The following VPS53 variants were observed in gnomAD, a reference collection of about 807,000 sequenced individuals.
The protein encoded by VPS53 is vacuolar protein sorting-associated protein 53 homolog.
In VPS53, 70 loss-of-function variants were observed where a neutral mutation model predicts 107.0. The ratio of observed to expected loss-of-function variants is 0.65; its 90% confidence interval spans 0.54 to 0.80. The LOEUF (loss-of-function observed/expected upper bound fraction) is 0.80, where lower values mean the gene tolerates loss of function less well. Ranked by LOEUF, VPS53 falls within the 30% of genes least tolerant of loss-of-function variation. The pLI is 0.00. For synonymous variants in VPS53, 409 were observed against 393.3 expected (o/e 1.04, Z -0.47); for missense variants, 917 against 1,049.4 (o/e 0.87, Z 1.74).
intron 4 of VPS53, among the ~76,000 whole-genome samples, chr17:687,433 G>A (rs562495689): frequency 1.2e-4 from 18 of 151,762 alleles, no homozygotes; most frequent in African/African-American, 2.2e-4. Flanking sequence ...AAAATTAGCC[G>A]GGCGTGGTGG....
chr17:683,867 T>C (rs748516651), intron 4 of VPS53, among the ~76,000 whole-genome samples: 3 of 152,144 alleles, frequency 2.0e-5, no homozygotes, highest in Non-Finnish European at 4.4e-5. Context: ...ACTTGAAAAC[T>C]GACAAACAAT....
chr17:588,774 GATCTAGA>G, intron 12 of VPS53, among the ~76,000 whole-genome samples: 1 of 152,302 alleles, frequency 6.6e-6, no homozygotes, highest in African/African-American at 2.4e-5. Context: ...GAATCTGCCG[GATCTAGA>G]ATTCCACTTG....
At chr17:633,090 T>C (rs1970028652) in intron 7 of VPS53, among the ~76,000 whole-genome samples, 1 of 152,148 alleles carries the variant, frequency 6.6e-6, no homozygotes, top group East Asian at 1.9e-4. Flanking sequence ...GCTCAAGAAC[T>C]GTGCGTGTAC....
intron 13 of VPS53, among the ~76,000 whole-genome samples, chr17:574,983 G>A (rs1284408507): frequency 6.6e-6 from 1 of 152,194 alleles, no homozygotes; most frequent in Non-Finnish European, 1.5e-5. Flanking sequence ...GTAGAAGACA[G>A]GGTGCTCTCA....
chr17:661,698 T>A (rs1567718524), intron 5 of VPS53, 111 bp downstream of exon 5: 2 of 994,116 alleles, frequency 2.0e-6, no homozygotes, highest in Non-Finnish European at 3.0e-6. Flanking sequence ...TGCAGATGAC[T>A]CTGGTTGGCA....
At chr17:569,731 C>T (rs748809782) in intron 13 of VPS53, among the ~76,000 whole-genome samples, 1 of 151,856 alleles carries the variant, frequency 6.6e-6, no homozygotes, top group Non-Finnish European at 1.5e-5. Flanking sequence ...CCAGCCTGGC[C>T]AACATGGTGA....
chr17:565,827 G>A (rs893323503), intron 13 of VPS53, among the ~76,000 whole-genome samples: 8 of 152,144 alleles, frequency 5.3e-5, no homozygotes, highest in South Asian at 2.1e-4. Flanking sequence ...GGTCTCACCC[G>A]CAGCAGCTGC....
intron 11 of VPS53, among the ~76,000 whole-genome samples, chr17:604,740 G>A (rs530715042): frequency 2.7e-4 from 41 of 152,276 alleles, no homozygotes; most frequent in Middle Eastern, 3.4e-3. Context: ...CACCATGCCC[G>A]TCCTCTATTA....
At position 551,921 on chromosome 17, in the gene VPS53, A is replaced by C; in HGVS notation, c.1817T>G (p.Val606Gly). Reference protein sequence around the residue: ...TVISSSIQLLVQDLDAACDPA... With the variant: ...TVISSSIQLLGQDLDAACDPA... ...ATCACAGGCAGCATCCAGATCCTGA[A>C]CCAGCAGCTGAATACTGCTGGAGAT... The change falls in exon 17 of 22, where the codon GTT becomes GGT. Residue 606 changes from valine (V) to glycine (G), a missense_variant. Coordinates refer to ENST00000437048, the MANE Select transcript of VPS53 (RefSeq NM_001128159.3). The C allele has an allele frequency of 6.2e-7, 1 of 1,604,748 alleles. No individual in the cohort carries two copies. The highest frequency in any genetic ancestry group is 8.5e-7 in the Non-Finnish European group (1 of 1,175,490).
intron 15 of VPS53, 21 bp from the exon 16 acceptor site, chr17:553,483 T>A (rs768606719): frequency 1.3e-6 from 2 of 1,558,788 alleles, no homozygotes; most frequent in Non-Finnish European, 8.8e-7. Context: ...ACAGAAGAAA[T>A]GGATGCACGG....
intron 4 of VPS53, among the ~76,000 whole-genome samples, chr17:676,763 C>T (rs149886389): frequency 2.1e-4 from 32 of 151,968 alleles, no homozygotes; most frequent in Middle Eastern, 3.4e-3. Flanking sequence ...TGCAGAAAAG[C>T]GGGACTTGGC....
intron 11 of VPS53, among the ~76,000 whole-genome samples, chr17:613,277 C>T (rs1402576051): frequency 6.8e-6 from 1 of 147,412 alleles, no homozygotes; most frequent in Non-Finnish European, 1.5e-5. Context: ...AAAACCTGTA[C>T]AGATATTCAC....
intron 5 of VPS53, chr17:657,575 C>T (rs774501888): frequency 5.5e-6 from 5 of 905,370 alleles, no homozygotes; most frequent in Non-Finnish European, 7.3e-6. Context: ...AAAAGAGGAC[C>T]TTTGTCTTCC....
At chr17:654,474 C>G (rs1209591230) in intron 6 of VPS53, among the ~76,000 whole-genome samples, 1 of 151,934 alleles carries the variant, frequency 6.6e-6, no homozygotes, top group Non-Finnish European at 1.5e-5. Context: ...CGCGGTGGCT[C>G]AAGCCTGTAA....
intron 8 of VPS53, among the ~76,000 whole-genome samples, chr17:630,311 A>C (rs1969900630): frequency 6.6e-6 from 1 of 151,350 alleles, no homozygotes; most frequent in Non-Finnish European, 1.5e-5. Context: ...AAACAAACAA[A>C]CAAAAAAAAA....
chr17:644,010 G>T (rs185162778), intron 7 of VPS53, among the ~76,000 whole-genome samples: 2 of 152,242 alleles, frequency 1.3e-5, no homozygotes, highest in Admixed American at 1.3e-4. Flanking sequence ...ATATATTTTC[G>T]TTCAAGAGTT....
At chr17:696,843 A>G (rs1177106183) in intron 4 of VPS53, among the ~76,000 whole-genome samples, 5 of 126,462 alleles carry the variant, frequency 4.0e-5, no homozygotes, top group Non-Finnish European at 7.8e-5. Flanking sequence ...TCCATGCTGG[A>G]GTGCAGCGGT....
At position 512,369 on chromosome 17, in the gene VPS53, C is replaced by T. The variant is rs1226151262; in HGVS notation, c.*6759G>A. 1 of 152,314 alleles carries T rather than the reference C, an allele frequency of 6.6e-6. No homozygotes were observed. The highest frequency in any genetic ancestry group is 1.9e-4 in the East Asian group (1 of 5,188). The allele number at this position is 152,314 out of a possible 1,614,324, so 9.4% of individuals were successfully genotyped here. The stretch of plus-strand genomic sequence containing the variant: ...ATGGATGCTCAGGGGATCAGTGACT[C>T]GCCTGGTGTCAAAGTGCCAGGTCCA... On this transcript the variant is annotated 3_prime_UTR_variant, in exon 22 of 22. Transcript: ENST00000437048.
intron 11 of VPS53, among the ~76,000 whole-genome samples, chr17:614,224 C>T (rs1969032782): frequency 1.3e-5 from 2 of 152,122 alleles, no homozygotes; most frequent in Admixed American, 6.5e-5. Flanking sequence ...TATATGAAAA[C>T]CAACTGAACT....
Sources: allele counts gnomAD v4.1 joint callset (sites outside exome capture counted in the v4.1 genomes callset), GRCh38; gene constraint gnomAD v4.1.1; transcripts MANE v1.5; gene names NCBI Gene and HGNC (gene_info 2026-07-23, HGNC 2026-07-21).